The following PPARGC1B variants were observed in gnomAD, a reference collection of about 807,000 sequenced individuals.
PPARGC1B encodes PPARG coactivator 1 beta, also known as peroxisome proliferator-activated receptor gamma coactivator 1-beta.
In PPARGC1B, 34 loss-of-function variants were observed where a neutral mutation model predicts 101.6. That is an observed-to-expected ratio of 0.33 (90% CI 0.25 to 0.45). PPARGC1B has a LOEUF of 0.45. Ranked by LOEUF, PPARGC1B falls within the 20% of genes least tolerant of loss-of-function variation. The pLI, the probability that PPARGC1B is intolerant of heterozygous loss-of-function variation, is 1.00. For synonymous variants in PPARGC1B, 548 were observed against 539.3 expected, an observed-to-expected ratio of 1.02 and a Z score of -0.22; for missense variants, 1,234 against 1,317.6, an observed-to-expected ratio of 0.94 and a Z score of 0.98.
Position 149,851,866 on chromosome 5 carries a change from G to C in PPARGC1B, c.*4308G>C, listed in dbSNP as rs2113466484. On this transcript the variant is annotated 3_prime_UTR_variant, in exon 12 of 12. Transcript: ENST00000309241. ...CCGGCTACAAGACACCCAGGAAGTA[G>C]GCAAAGGCTGACTTTGCATTAAACA... is the stretch of plus-strand genomic sequence containing the variant. 6.6e-6 allele frequency: 1 copy of C among 152,388 alleles called. No homozygotes were observed. Among genetic ancestry groups the C allele is most frequent in the South Asian group, 2.1e-4 (1 of 4,824 alleles). 9.4% of individuals were successfully genotyped at this position (152,388 alleles called of 1,614,324 possible).
intron 9 of PPARGC1B, among the ~76,000 whole-genome samples, chr5:149,841,883 A>G (rs866164997): frequency 9.9e-5 from 15 of 152,012 alleles, no homozygotes; most frequent in Non-Finnish European, 1.3e-4. Context: ...CTCACAATCA[A>G]CCTGCCTCCT....
intron 1 of PPARGC1B, among the ~76,000 whole-genome samples, chr5:149,771,162 C>T (rs557852059): frequency 2.4e-4 from 36 of 152,310 alleles, no homozygotes; most frequent in Admixed American, 2.0e-3. Flanking sequence ...CGCATGCAGG[C>T]GGATGCTGCA....
intron 1 of PPARGC1B, among the ~76,000 whole-genome samples, chr5:149,786,921 A>C (rs1450246619): frequency 6.6e-6 from 1 of 151,908 alleles, no homozygotes; most frequent in East Asian, 1.9e-4. Context: ...TGAGCGTTTG[A>C]CTCTTAGGGC....
intron 1 of PPARGC1B, among the ~76,000 whole-genome samples, chr5:149,811,910 G>A (rs779053623): frequency 6.6e-5 from 10 of 152,202 alleles, no homozygotes; most frequent in Non-Finnish European, 1.3e-4. Flanking sequence ...CTGGTTGGCT[G>A]GGTCTGGCCC....
At position 149,837,186 on chromosome 5, in the gene PPARGC1B, T is replaced by C. The variant is rs1412063198; in HGVS notation, c.2618+113T>C. 6 of 1,460,316 alleles carry C rather than the reference T, an allele frequency of 4.1e-6. No homozygotes were observed. Among genetic ancestry groups the C allele is most frequent in the Non-Finnish European group, 5.5e-6 (6 of 1,098,018 alleles). The allele number at this position is 1,460,316 out of a possible 1,614,324, so 90.5% of individuals were successfully genotyped here. ...GGGAAGCTTGCTCTGAAACTGAGGC[T>C]GCATCTCCCAGTGTGGCCCATGTCT... On this transcript the variant is annotated intron_variant, in intron 8 of 11. Transcript: ENST00000309241. The surrounding 1 kb of genome is among the most constrained non-coding windows in gnomAD (Gnocchi z 4.2).
intron 1 of PPARGC1B, among the ~76,000 whole-genome samples, chr5:149,737,139 T>C (rs1163909311): frequency 6.6e-6 from 1 of 152,220 alleles, no homozygotes. Flanking sequence ...TTCCAGAATG[T>C]CATATAGTTG....
In PPARGC1B at chr5:149,852,783, T is replaced by C. The variant is rs1315383646; in HGVS notation, c.*5225T>C. The C allele has an allele frequency of 1.3e-5, 2 of 151,398 alleles. No individual in the cohort carries two copies. The highest frequency in any genetic ancestry group is 2.4e-5 in the African/African-American group (1 of 41,208). 9.4% of individuals were successfully genotyped at this position (151,398 alleles called of 1,614,324 possible). ...TTCTTTCAAATGATTGTAAAACATA[T>C]GGGGCAACAGGAGGCATTGATCGCG... On this transcript the variant is annotated 3_prime_UTR_variant, in exon 12 of 12. Coordinates refer to ENST00000309241, the MANE Select transcript of PPARGC1B (RefSeq NM_133263.4).
chr5:149,841,621 C>T (rs1319857868), intron 9 of PPARGC1B, among the ~76,000 whole-genome samples: 1 of 152,112 alleles, frequency 6.6e-6, no homozygotes, highest in Non-Finnish European at 1.5e-5. Flanking sequence ...AGTGATTTGT[C>T]CAATAGCAGT....
chr5:149,734,542 C>A (rs1352977440), intron 1 of PPARGC1B, among the ~76,000 whole-genome samples: 3 of 151,906 alleles, frequency 2.0e-5, no homozygotes, highest in Admixed American at 2.0e-4. Context: ...TATCGTTACT[C>A]ATTTACGTTG....
chr5:149,755,046 C>CATATATATATATATATATATATATATAT (rs1385735590), intron 1 of PPARGC1B, among the ~76,000 whole-genome samples: 1 of 105,598 alleles, frequency 9.5e-6, no homozygotes, highest in African/African-American at 4.0e-5. Flanking sequence ...TATACATATA[C>CATATATATATATATATATATATATATAT]ATATACATAT....
rs1018904624 is a variant in PPARGC1B at position 149,768,988 on chromosome 5, T to C, written c.78+38568T>C. 2.0e-5 allele frequency among the ~76,000 whole-genome samples: 3 copies of C among 152,156 alleles called. No individual in the cohort carries two copies. The East Asian group carries it at 5.8e-4, about 29-fold the overall frequency. On this transcript the variant is annotated intron_variant, in intron 1 of 11. Coordinates refer to ENST00000309241, the MANE Select transcript of PPARGC1B (RefSeq NM_133263.4). ...AGTTTTGATATGAGTCTGCAAGCAA[T>C]TGATGTATTATGATCTCTGTGCAGT...
At chr5:149,796,497 A>G (rs142283666) in intron 1 of PPARGC1B, among the ~76,000 whole-genome samples, 13 of 152,314 alleles carry the variant, frequency 8.5e-5, no homozygotes, top group African/African-American at 2.9e-4. Context: ...GGTGGGTAAC[A>G]TAGTCCTGAT....
At chr5:149,823,488 G>A (rs1352453516) in intron 2 of PPARGC1B, among the ~76,000 whole-genome samples, 1 of 152,130 alleles carries the variant, frequency 6.6e-6, no homozygotes, top group East Asian at 1.9e-4. Context: ...CAGATTTCTT[G>A]AAGGCTCGTT....
At chr5:149,841,146 T>C (rs1759318316) in intron 9 of PPARGC1B, among the ~76,000 whole-genome samples, 2 of 152,256 alleles carry the variant, frequency 1.3e-5, no homozygotes, top group South Asian at 4.1e-4. Context: ...AAATTAGTAA[T>C]GTGCAATTAG....
intron 1 of PPARGC1B, among the ~76,000 whole-genome samples, chr5:149,775,679 C>T (rs1756331667): frequency 6.6e-6 from 1 of 150,398 alleles, no homozygotes; most frequent in Non-Finnish European, 1.5e-5. Flanking sequence ...TGCAGCTAGG[C>T]ATGCCTTGTG....
chr5:149,755,725 C>G lies in PPARGC1B; in HGVS notation c.78+25305C>G, dbSNP rs777046250. 2.7e-4 allele frequency among the ~76,000 whole-genome samples: 41 copies of G among 151,414 alleles called. 1 individual carries two copies. The highest frequency in any genetic ancestry group is 5.7e-4 in the Non-Finnish European group (39 of 67,916). On this transcript the variant is annotated intron_variant, in intron 1 of 11. Transcript: ENST00000309241. ...ATGGCGCGATCTTGGCTCACTGCAACCTCTGCCTCCAGGGTTCAAGCGATT... is the reference window on the plus strand; with the variant it reads ...ATGGCGCGATCTTGGCTCACTGCAAGCTCTGCCTCCAGGGTTCAAGCGATT...
At chr5:149,735,823 A>G (rs1208619955) in intron 1 of PPARGC1B, among the ~76,000 whole-genome samples, 2 of 152,184 alleles carry the variant, frequency 1.3e-5, no homozygotes, top group Admixed American at 1.3e-4. Context: ...AGGCACATAG[A>G]TTGTATAGAG....
intron 1 of PPARGC1B, among the ~76,000 whole-genome samples, chr5:149,796,648 CAGAG>C (rs139063590): frequency 6.6e-6 from 1 of 151,592 alleles, no homozygotes; most frequent in Admixed American, 6.6e-5. Flanking sequence ...ATGGTGGCAG[CAGAG>C]AGAGAGAGAT....
At position 149,836,714 on chromosome 5, in the gene PPARGC1B, G is replaced by A. The variant is rs758765974; in HGVS notation, c.2259G>A (p.Thr753=). Residue 753 remains threonine (T), a synonymous_variant, in exon 8 of 12, where the codon ACG becomes ACA. Transcript: ENST00000309241. The part of the protein sequence containing the change: ...CDAGAPPKDS[T]LLRDHEIRAS... ...CTGGCGCCCCACCCAAGGACAGCAC[G>A]CTGCTGAGAGACCATGAGATCCGTG... 1.1e-4 allele frequency: 171 copies of A among 1,613,568 alleles called. No homozygotes were observed. The highest frequency in any genetic ancestry group is 2.0e-4 in the East Asian group (9 of 44,894).
Sources: gnomAD v4.1 joint callset for allele counts (sites outside exome capture counted in the v4.1 genomes callset) on GRCh38, gnomAD v4.1.1 for gene constraint, Gnocchi (gnomAD v3.1) non-coding constraint, MANE v1.5 for transcripts, NCBI Gene and HGNC (gene_info 2026-07-23, HGNC 2026-07-21) for gene names.